LARGE1: variants seen among roughly 807,000 people sequenced by gnomAD.
LARGE1 encodes the protein xylosyl- and glucuronyltransferase LARGE1.
LARGE1 carries 43 observed loss-of-function variants against 87.6 expected under a neutral mutation model. The ratio of observed to expected loss-of-function variants is 0.49; its 90% CI spans 0.38 to 0.63. LARGE1 has a LOEUF of 0.63. LARGE1 is among the 30% of genes least tolerant of loss of function. The pLI, the probability that LARGE1 is intolerant of heterozygous loss-of-function variation, is 0.00. For missense variants in LARGE1, 802 were observed against 1,000.2 expected, an observed-to-expected ratio of 0.80 and a Z score of 2.67; for synonymous variants, 434 against 394.6, an observed-to-expected ratio of 1.10 and a Z score of -1.18.
chr22:33,273,673 G>A lies in LARGE1; in HGVS notation c.*754C>T, dbSNP rs903737323. 7.5e-6 allele frequency: 3 copies of A among 398,766 alleles called. No homozygotes were observed. Among genetic ancestry groups the A allele is most frequent in the South Asian group, 1.3e-4 (1 of 7,766 alleles). 24.7% of individuals were successfully genotyped at this position (398,766 alleles called of 1,614,324 possible). A position where few individuals can be genotyped will look rare whatever the true frequency, so the allele number is the denominator to read the frequency against. On this transcript the variant is annotated 3_prime_UTR_variant, in exon 15 of 15. Transcript: ENST00000397394. ...AGCTGCCCATGTTTAAATATCGGCCGAAGATGCTTGACCTCCTTCCTGGGC... is the reference window on the plus strand; with the variant it reads ...AGCTGCCCATGTTTAAATATCGGCCAAAGATGCTTGACCTCCTTCCTGGGC...
the LARGE1 span, among the ~76,000 whole-genome samples, chr22:33,092,497 G>A: frequency 2.0e-5 from 3 of 152,040 alleles, no homozygotes; most frequent in Admixed American, 6.6e-5. Flanking sequence ...TACATGTGCA[G>A]GATGTGCATG....
intron 6 of LARGE1, among the ~76,000 whole-genome samples, chr22:33,440,484 G>A (rs1266681952): frequency 6.6e-6 from 1 of 152,174 alleles, no homozygotes; most frequent in African/African-American, 2.4e-5. Flanking sequence ...ATATTAAAAT[G>A]TTAAAACCAG....
At chr22:33,519,799 G>A (rs1029730682) in intron 6 of LARGE1, among the ~76,000 whole-genome samples, 1 of 152,128 alleles carries the variant, frequency 6.6e-6, no homozygotes, top group African/African-American at 2.4e-5. Context: ...CACATCACCA[G>A]CCCACATTCT....
At chr22:33,745,334 T>A (rs239336) in intron 2 of LARGE1, among the ~76,000 whole-genome samples, 1 of 151,804 alleles carries the variant, frequency 6.6e-6, no homozygotes, top group Non-Finnish European at 1.5e-5. Context: ...TACTCACTCT[T>A]GGTGATCTTT....
At chr22:33,813,254 GA>G (rs5845112) in intron 1 of LARGE1, among the ~76,000 whole-genome samples, 41,408 of 114,400 alleles carry the variant, frequency 0.36, 6,812 homozygotes, top group Admixed American at 0.53. Flanking sequence ...TCCGTCTCAA[GA>G]AAAAAAAAAA....
At chr22:33,245,383 C>T (rs1444364443) in intron 11 of LARGE1, among the ~76,000 whole-genome samples, 3 of 152,178 alleles carry the variant, frequency 2.0e-5, no homozygotes, top group South Asian at 2.1e-4. Context: ...ATCACACTGT[C>T]GTCCTCCAAA....
At chr22:33,412,430 T>C (rs1165050859) in intron 7 of LARGE1, among the ~76,000 whole-genome samples, 2 of 152,098 alleles carry the variant, frequency 1.3e-5, no homozygotes, top group Non-Finnish European at 2.9e-5. Context: ...CATGGCAGAT[T>C]TCAAGCTACC....
intron 1 of LARGE1, among the ~76,000 whole-genome samples, chr22:33,766,806 T>G (rs1031282188): frequency 6.6e-5 from 10 of 151,588 alleles, no homozygotes; most frequent in Non-Finnish European, 1.3e-4. Context: ...TCCAAAGCAA[T>G]AAATTTTATA....
chr22:33,277,480 G>A (rs986246092), intron 13 of LARGE1, among the ~76,000 whole-genome samples: 1 of 152,234 alleles, frequency 6.6e-6, no homozygotes, highest in African/African-American at 2.4e-5. Flanking sequence ...TGAGATCACA[G>A]TGGATTGGGG....
chr22:33,366,305 CAACT>C (rs1373619199), intron 9 of LARGE1, among the ~76,000 whole-genome samples: 2 of 152,204 alleles, frequency 1.3e-5, no homozygotes, highest in African/African-American at 4.8e-5. Context: ...CTCCTCTTTC[CAACT>C]AATTGCACGG....
intron 6 of LARGE1, among the ~76,000 whole-genome samples, chr22:33,526,003 T>C (rs1335367532): frequency 6.6e-6 from 1 of 152,176 alleles, no homozygotes; most frequent in Non-Finnish European, 1.5e-5. Context: ...GCAACATTAC[T>C]CATGGTAGTC....
At chr22:33,068,572 G>A in the LARGE1 span, among the ~76,000 whole-genome samples, 3 of 152,156 alleles carry the variant, frequency 2.0e-5, no homozygotes, top group Non-Finnish European at 4.4e-5. Flanking sequence ...GTGGACCCAG[G>A]ATGTGGAGCT....
intron 7 of LARGE1, among the ~76,000 whole-genome samples, chr22:33,431,839 G>A (rs1000740037): frequency 6.6e-6 from 1 of 152,206 alleles, no homozygotes; most frequent in Non-Finnish European, 1.5e-5. Flanking sequence ...TGTTACTGAA[G>A]AATGATATCT....
chr22:33,172,865 G>A (rs904372729), intron 11 of LARGE1, among the ~76,000 whole-genome samples: 1 of 152,180 alleles, frequency 6.6e-6, no homozygotes. Flanking sequence ...TATGTGAAAA[G>A]ACCAAATCTA....
chr22:33,625,557 T>C lies in LARGE1; in HGVS notation c.491+687A>G, dbSNP rs573112443. Among the ~76,000 whole-genome samples the C allele has an allele frequency of 4.6e-5, 7 of 152,270 alleles. No homozygotes were observed. In the East Asian group the frequency reaches 5.8e-4, roughly 13 times the overall value. ...AAAAGTGGGACAGCCCACACCAGAA[T>C]AGAGGAAGCAACCTGTCTATAAGAA... On this transcript the variant is annotated intron_variant, in intron 4 of 14. Coordinates refer to ENST00000397394, the MANE Select transcript of LARGE1 (RefSeq NM_133642.5).
intron 1 of LARGE1, among the ~76,000 whole-genome samples, chr22:33,839,756 A>G (rs1465760123): frequency 6.6e-6 from 1 of 152,244 alleles, no homozygotes; most frequent in Non-Finnish European, 1.5e-5. Context: ...ACACGTTTAC[A>G]TGAAATAAAA....
chr22:33,866,745 G>C (rs916384509), intron 1 of LARGE1, among the ~76,000 whole-genome samples: 2 of 152,098 alleles, frequency 1.3e-5, no homozygotes, highest in Admixed American at 1.3e-4. Flanking sequence ...ATTGCTGCGA[G>C]GATTAGAAAG....
chr22:33,379,693 A>G (rs2065097923), intron 9 of LARGE1, among the ~76,000 whole-genome samples: 1 of 152,108 alleles, frequency 6.6e-6, no homozygotes, highest in African/African-American at 2.4e-5. Flanking sequence ...CTGAGCAAAC[A>G]ATTGCAAGGA....
intron 9 of LARGE1, among the ~76,000 whole-genome samples, chr22:33,344,314 G>C (rs1229919393): frequency 1.3e-5 from 2 of 152,192 alleles, no homozygotes; most frequent in Non-Finnish European, 2.9e-5. Flanking sequence ...GCCAGACACT[G>C]ATCTGGGGGC....
Sources: allele counts gnomAD v4.1 joint callset (sites outside exome capture counted in the v4.1 genomes callset), GRCh38; gene constraint gnomAD v4.1.1; transcripts MANE v1.5; gene names NCBI Gene and HGNC (gene_info 2026-07-23, HGNC 2026-07-21).